The following CREBL2 variants were observed in gnomAD, a reference collection of about 807,000 sequenced individuals.
CREBL2 encodes the protein cAMP-responsive element-binding protein-like 2.
In CREBL2, 4 loss-of-function variants were observed where a neutral mutation model predicts 19.5. That is an observed-to-expected ratio of 0.20 (90% CI 0.10 to 0.47). The LOEUF is 0.47. CREBL2 is among the 20% of genes least tolerant of loss of function. The probability of loss-of-function intolerance (pLI) is 0.98; values close to 1 mark genes in which losing one functional copy is unlikely to be tolerated. For missense variants in CREBL2, 85 were observed against 145.1 expected (o/e 0.59, Z 2.13); for synonymous variants, 42 against 46.6 (o/e 0.90, Z 0.40).
Position 12,633,309 on chromosome 12 carries a change from C to T in CREBL2, c.16-2468C>T, listed in dbSNP as rs545731893. On this transcript the variant is annotated intron_variant, in intron 1 of 3. Transcript: ENST00000228865. The stretch of plus-strand genomic sequence containing the variant: ...CCCGGTGGATCACCTCAGGTGGGCA[C>T]CTGTAATCCCAGCTACTTGGGAGGC... Among the ~76,000 whole-genome samples the T allele has an allele frequency of 4.6e-5, 7 of 152,040 alleles. No homozygotes were observed. The South Asian group carries it at 8.3e-4, about 18-fold the overall frequency.
In CREBL2 at chr12:12,642,125, C is replaced by A; in HGVS notation, c.*127C>A. On this transcript the variant is annotated 3_prime_UTR_variant, in exon 4 of 4. Transcript: ENST00000228865. ...CTCAGTAGTCATCTCTGTAAATCTG[C>A]AATTTCTACCAAAATGTGTGATCGT... The A allele has an allele frequency of 1.9e-6, 1 of 539,668 alleles. No individual in the cohort carries two copies. Among genetic ancestry groups the A allele is most frequent in the Non-Finnish European group, 3.2e-6 (1 of 316,060 alleles). The allele number at this position is 539,668 out of a possible 1,614,324, so 33.4% of individuals were successfully genotyped here. A position where few individuals can be genotyped will look rare whatever the true frequency, so the allele number is the denominator to read the frequency against.
Position 12,644,298 on chromosome 12 carries a change from T to C in CREBL2, c.*2300T>C, listed in dbSNP as rs564945360. 1 of 152,366 alleles carries C rather than the reference T, an allele frequency of 6.6e-6. No individual in the cohort carries two copies. The highest frequency in any genetic ancestry group is 2.4e-5 in the African/African-American group (1 of 41,588). 9.4% of individuals were successfully genotyped at this position (152,366 alleles called of 1,614,324 possible). A position where few individuals can be genotyped will look rare whatever the true frequency, so the allele number is the denominator to read the frequency against. On this transcript the variant is annotated 3_prime_UTR_variant, in exon 4 of 4. Coordinates refer to ENST00000228865, the MANE Select transcript of CREBL2 (RefSeq NM_001310.4). ...TTTGGTCACTTTTGAAGCATGTTAA[T>C]AAATGTCACTGATTAAAACAGCTGG...
At chr12:12,631,413 C>G (rs902754204) in intron 1 of CREBL2, among the ~76,000 whole-genome samples, 1 of 152,094 alleles carries the variant, frequency 6.6e-6, no homozygotes, top group Non-Finnish European at 1.5e-5. Flanking sequence ...TCACATGACT[C>G]TATGTCAGTA....
At chr12:12,641,271 T>TTTTAGGTCAACC (rs1945519073) in intron 3 of CREBL2, among the ~76,000 whole-genome samples, 1 of 141,314 alleles carries the variant, frequency 7.1e-6, no homozygotes, top group African/African-American at 2.6e-5. Context: ...TTATTTTTTT[T>TTTTAGGTCAACC]TTTTTTAGGT....
At chr12:12,624,523 A>C (rs1291739773) in intron 1 of CREBL2, among the ~76,000 whole-genome samples, 1 of 152,230 alleles carries the variant, frequency 6.6e-6, no homozygotes, top group African/African-American at 2.4e-5. Flanking sequence ...AGGAGGGAGC[A>C]TGTGAGCAAA....
At chr12:12,626,026 C>T (rs140470955) in intron 1 of CREBL2, among the ~76,000 whole-genome samples, 33 of 152,166 alleles carry the variant, frequency 2.2e-4, no homozygotes, top group African/African-American at 6.3e-4. Flanking sequence ...TAGAGTGCCT[C>T]ACTCAAGGCC....
At chr12:12,618,713 C>T (rs1055131411) in intron 1 of CREBL2, among the ~76,000 whole-genome samples, 31 of 152,168 alleles carry the variant, frequency 2.0e-4, no homozygotes, top group African/African-American at 6.8e-4. Context: ...GAGCCGAGAT[C>T]GCGCCACTGC....
At chr12:12,633,465 G>A (rs1023911413) in intron 1 of CREBL2, among the ~76,000 whole-genome samples, 3 of 152,188 alleles carry the variant, frequency 2.0e-5, no homozygotes, top group South Asian at 2.1e-4. Context: ...AAAACATGAC[G>A]ATGATGCAGA....
rs1945484266 is a variant in CREBL2 at position 12,637,575 on chromosome 12, G to A, written c.219G>A (p.Lys73=). The part of the protein sequence containing the change: ...CALREELEMY[K]QWCMAMDQGK... ...TAAAATTAAATATGTTTCAGTACAA[G>A]CAGTGGTGCATGGCAATGGACCAAG... is the stretch of plus-strand genomic sequence containing the variant. Residue 73 remains lysine, a synonymous_variant, in exon 3 of 4, where the codon AAG becomes AAA. Transcript: ENST00000228865. The A allele has an allele frequency of 5.3e-6, 8 of 1,510,588 alleles. No individual in the cohort carries two copies. In the East Asian group the frequency reaches 9.4e-5, roughly 18 times the overall value. 93.6% of individuals were successfully genotyped at this position (1,510,588 alleles called of 1,614,324 possible). A position where few individuals can be genotyped will look rare whatever the true frequency, so the allele number is the denominator to read the frequency against.
At chr12:12,636,758 T>A (rs1945478428) in intron 2 of CREBL2, among the ~76,000 whole-genome samples, 1 of 152,178 alleles carries the variant, frequency 6.6e-6, no homozygotes. Context: ...TATTCACTCA[T>A]CCATTCAGCC....
intron 1 of CREBL2, among the ~76,000 whole-genome samples, chr12:12,621,977 C>T (rs140529146): frequency 4.9e-4 from 74 of 152,168 alleles, no homozygotes; most frequent in African/African-American, 1.7e-3. Context: ...GCAGACGGTC[C>T]GATTATGAAA....
At chr12:12,631,745 G>C (rs1945443932) in intron 1 of CREBL2, among the ~76,000 whole-genome samples, 1 of 152,194 alleles carries the variant, frequency 6.6e-6, no homozygotes, top group Admixed American at 6.5e-5. Context: ...AAGTTTAGTA[G>C]TTAAGGCAAC....
intron 1 of CREBL2, among the ~76,000 whole-genome samples, chr12:12,632,755 T>C (rs1156649755): frequency 1.3e-5 from 2 of 152,070 alleles, no homozygotes; most frequent in Non-Finnish European, 2.9e-5. Flanking sequence ...CTCAGGTTGA[T>C]TTCAAAATAT....
At chr12:12,617,631 AT>A (rs1379551410) in intron 1 of CREBL2, among the ~76,000 whole-genome samples, 2 of 64,638 alleles carry the variant, frequency 3.1e-5, no homozygotes, top group Non-Finnish European at 6.4e-5. Context: ...TGAGATGCTC[AT>A]TTTAGTAATT....
intron 1 of CREBL2, among the ~76,000 whole-genome samples, chr12:12,618,126 T>C (rs1044023914): frequency 1.1e-4 from 16 of 152,234 alleles, no homozygotes; most frequent in African/African-American, 1.9e-4. Flanking sequence ...TTCCCCCTTT[T>C]CTATTCGACA....
intron 1 of CREBL2, among the ~76,000 whole-genome samples, chr12:12,622,892 T>C (rs926318588): frequency 2.6e-5 from 4 of 152,212 alleles, no homozygotes; most frequent in Admixed American, 1.3e-4. Flanking sequence ...AAACAAGCCC[T>C]CCTGTTTTCC....
Position 12,617,643 on chromosome 12 carries a change from C to CTTTTTTTTTTTTTTTTTTTTTTTTTT in CREBL2, c.15+5469_15+5494dup, listed in dbSNP as rs66943066. On this transcript the variant is annotated intron_variant, in intron 1 of 3. Coordinates refer to ENST00000228865, the MANE Select transcript of CREBL2 (RefSeq NM_001310.4). ...CCCTGAGATGCTCATTTTAGTAATTCTTTTTTTTTTTTTTTTTTTTTTTTT... is the reference window on the plus strand; with the variant it reads ...CCCTGAGATGCTCATTTTAGTAATTCTTTTTTTTTTTTTTTTTTTTTTTTTTTTTTTTTTTTTTTTTTTTTTTTTTT... Among the ~76,000 whole-genome samples, 10 of 38,766 alleles carry CTTTTTTTTTTTTTTTTTTTTTTTTTT rather than the reference C, an allele frequency of 2.6e-4. 5 individuals are homozygous for CTTTTTTTTTTTTTTTTTTTTTTTTTT. The highest frequency in any genetic ancestry group is 5.4e-4 in the Non-Finnish European group (10 of 18,568). The allele number at this position is 38,766 out of a possible 152,430, so 25.4% of individuals were successfully genotyped here.
chr12:12,631,082 T>G (rs1945439183), intron 1 of CREBL2, among the ~76,000 whole-genome samples: 1 of 152,220 alleles, frequency 6.6e-6, no homozygotes, highest in Non-Finnish European at 1.5e-5. Context: ...GTTGGAAAAT[T>G]GGGACCTTTA....
chr12:12,626,598 C>T (rs2136302829), intron 1 of CREBL2, among the ~76,000 whole-genome samples: 1 of 152,202 alleles, frequency 6.6e-6, no homozygotes, highest in East Asian at 1.9e-4. Flanking sequence ...AAAATTCACC[C>T]TTTTAATTTG....
Sources: gnomAD v4.1 joint callset for allele counts (sites outside exome capture counted in the v4.1 genomes callset) on GRCh38, gnomAD v4.1.1 for gene constraint, MANE v1.5 for transcripts, NCBI Gene and HGNC (gene_info 2026-07-23, HGNC 2026-07-21) for gene names.